INTS6: variants seen among roughly 807,000 people sequenced by gnomAD.
The protein encoded by INTS6 is DEAD box protein.
A neutral mutation model predicts 104.9 loss-of-function variants in INTS6; 16 were observed. The ratio of observed to expected loss-of-function variants is 0.15; its 90% CI spans 0.10 to 0.23. INTS6 has a LOEUF of 0.23. Among genes scored for constraint, INTS6 ranks in the 10% least tolerant of loss-of-function variants. INTS6 has a pLI of 1.00. For synonymous variants in INTS6, 324 were observed against 358.7 expected, an observed-to-expected ratio of 0.90 and a Z score of 1.09; for missense variants, 584 against 1,062.8, an observed-to-expected ratio of 0.55 and a Z score of 6.26.
At chr13:51,383,101 C>CAAAAAA (rs565821299) in intron 9 of INTS6, among the ~76,000 whole-genome samples, 1 of 145,250 alleles carries the variant, frequency 6.9e-6, no homozygotes, top group African/African-American at 2.5e-5. Flanking sequence ...CACCCCCCCG[C>CAAAAAA]AAAAAAAAAT....
intron 13 of INTS6, among the ~76,000 whole-genome samples, chr13:51,375,125 CATCCGG>C (rs1955892038): frequency 6.6e-6 from 1 of 151,922 alleles, no homozygotes; most frequent in African/African-American, 2.4e-5. Flanking sequence ...CTGAGGCAGA[CATCCGG>C]ATCACTTGAG....
At chr13:51,376,752 T>A (rs573888843) in intron 12 of INTS6, among the ~76,000 whole-genome samples, 1 of 152,314 alleles carries the variant, frequency 6.6e-6, no homozygotes, top group South Asian at 2.1e-4. Context: ...ATTAGCATGA[T>A]GTTTTTGAGA....
At chr13:51,360,447 A>C (rs1955555025), downstream of INTS6, among the ~76,000 whole-genome samples, 1 of 152,002 alleles carries the variant, frequency 6.6e-6, no homozygotes, top group Non-Finnish European at 1.5e-5. Flanking sequence ...ATGATTTCCT[A>C]AGTTTCTTCT....
chr13:51,425,502 T>C (rs1313877912), intron 4 of INTS6, among the ~76,000 whole-genome samples: 1 of 152,024 alleles, frequency 6.6e-6, no homozygotes, highest in Non-Finnish European at 1.5e-5. Context: ...CTTGTCAGCA[T>C]ATAGAAATCT....
At chr13:51,411,509 T>C (rs1168411799) in intron 4 of INTS6, among the ~76,000 whole-genome samples, 1 of 149,630 alleles carries the variant, frequency 6.7e-6, no homozygotes, top group Non-Finnish European at 1.5e-5. Context: ...GCTGAGATCG[T>C]GCCGTTGCAC....
downstream of INTS6, among the ~76,000 whole-genome samples, chr13:51,353,711 A>T (rs1351058242): frequency 2.0e-5 from 3 of 152,280 alleles, no homozygotes; most frequent in South Asian, 6.2e-4. Flanking sequence ...AAGATTCAAA[A>T]CATACCTTTA....
intron 4 of INTS6, among the ~76,000 whole-genome samples, chr13:51,416,770 C>T (rs1028148651): frequency 1.3e-5 from 2 of 152,138 alleles, no homozygotes; most frequent in Non-Finnish European, 2.9e-5. Flanking sequence ...CATAAGGTAA[C>T]TCTATGTTTA....
intron 4 of INTS6, among the ~76,000 whole-genome samples, chr13:51,407,523 A>C (rs1303076444): frequency 6.6e-6 from 1 of 152,214 alleles, no homozygotes; most frequent in Non-Finnish European, 1.5e-5. Context: ...ATAGGAATGA[A>C]AGAAACAGAC....
At chr13:51,415,681 C>T (rs955717620) in intron 4 of INTS6, among the ~76,000 whole-genome samples, 3 of 152,028 alleles carry the variant, frequency 2.0e-5, no homozygotes, top group Non-Finnish European at 4.4e-5. Flanking sequence ...TGCCCAGTCT[C>T]GGGTATGTCT....
chr13:51,356,696 T>C (rs1955486986), downstream of INTS6, among the ~76,000 whole-genome samples: 1 of 152,070 alleles, frequency 6.6e-6, no homozygotes, highest in Non-Finnish European at 1.5e-5. Context: ...GCTCCCCTAT[T>C]GGTAAAGGCT....
chr13:51,388,518 C>G (rs929348994), intron 6 of INTS6, among the ~76,000 whole-genome samples: 2 of 152,022 alleles, frequency 1.3e-5, no homozygotes, highest in Admixed American at 6.6e-5. Context: ...CTCAGCCTCC[C>G]GAGTAGCTGG....
chr13:51,452,910 T>G lies in INTS6; in HGVS notation c.-385A>C, dbSNP rs918059114. On this transcript the variant is annotated 5_prime_UTR_variant, in exon 1 of 18. Coordinates refer to ENST00000311234, the MANE Select transcript of INTS6 (RefSeq NM_012141.3). The surrounding 1 kb of genome is among the most constrained non-coding windows in gnomAD (Gnocchi z 4.2). Reference sequence around the variant, plus strand: ...CACCCCCGGTACAGGAGTGGGGACCTGGGAGCTGGCGAAGAGGGGAGTGGG... The same window carrying G: ...CACCCCCGGTACAGGAGTGGGGACCGGGGAGCTGGCGAAGAGGGGAGTGGG... 7 of 1,085,112 alleles carry G rather than the reference T, an allele frequency of 6.5e-6. No homozygotes were observed. Among genetic ancestry groups the G allele is most frequent in the Middle Eastern group, 4.3e-4 (1 of 2,350 alleles). The allele number at this position is 1,085,112 out of a possible 1,614,324, so 67.2% of individuals were successfully genotyped here.
At chr13:51,384,304 G>A (rs1438000689) in intron 7 of INTS6, 1 of 186,532 alleles carries the variant, frequency 5.4e-6, no homozygotes. Flanking sequence ...CCTTATTTTA[G>A]AAACCCCTGT....
At chr13:51,387,916 T>C (rs1395540907) in intron 6 of INTS6, among the ~76,000 whole-genome samples, 1 of 152,140 alleles carries the variant, frequency 6.6e-6, no homozygotes, top group Non-Finnish European at 1.5e-5. Flanking sequence ...ATATCCCAAA[T>C]GTCAAAAACA....
At position 51,364,034 on chromosome 13, in the gene INTS6, T is replaced by C. The variant is rs952014824; in HGVS notation, c.*1718A>G. ...CTAGTAATTCCAGAATCTAAATATA[T>C]ATAATTTAGGAACAGACAATATATT... On this transcript the variant is annotated 3_prime_UTR_variant, in exon 18 of 18. Transcript: ENST00000311234. The C allele has an allele frequency of 8.7e-6, 3 of 344,532 alleles. No individual in the cohort carries two copies. Among genetic ancestry groups the C allele is most frequent in the Non-Finnish European group, 1.5e-5 (3 of 194,096 alleles). The allele number at this position is 344,532 out of a possible 1,614,324, so 21.3% of individuals were successfully genotyped here. A position where few individuals can be genotyped will look rare whatever the true frequency, so the allele number is the denominator to read the frequency against.
chr13:51,396,720 C>T (rs1011402882), intron 4 of INTS6, among the ~76,000 whole-genome samples: 7 of 152,146 alleles, frequency 4.6e-5, no homozygotes, highest in African/African-American at 1.7e-4. Flanking sequence ...TAAACACCAG[C>T]ACAAGAGAGC....
intron 3 of INTS6, chr13:51,438,352 A>T (rs1399197200): frequency 1.6e-5 from 2 of 128,538 alleles, no homozygotes; most frequent in African/African-American, 6.2e-5. Flanking sequence ...CCTATCATTA[A>T]AAAAAAAAAA....
intron 5 of INTS6, among the ~76,000 whole-genome samples, chr13:51,393,383 T>G (rs181890635): frequency 5.9e-5 from 9 of 152,258 alleles, no homozygotes; most frequent in Non-Finnish European, 1.3e-4. Context: ...CGGCCAACCT[T>G]AAGTTTTAAA....
Position 51,355,099 on chromosome 13 carries a change from C to G in INTS6, n.431-763G>C, listed in dbSNP as rs753814971. On this transcript the variant is annotated intron_variant and non_coding_transcript_variant, in intron 3 of 3. Transcript: ENST00000476666. ...AGCATTTTAAATTCTTGGGGAGTCA[C>G]CGATCTTTTTGATCCACTCAAAGCT... The G allele has an allele frequency of 3.9e-6, 6 of 1,552,266 alleles. No homozygotes were observed. The East Asian group carries it at 1.4e-4, about 37-fold the overall frequency.
Sources: gnomAD v4.1 joint callset for allele counts (sites outside exome capture counted in the v4.1 genomes callset) on GRCh38, gnomAD v4.1.1 for gene constraint, Gnocchi (gnomAD v3.1) non-coding constraint, MANE v1.5 for transcripts, NCBI Gene and HGNC (gene_info 2026-07-23, HGNC 2026-07-21) for gene names.